Variants in UGT1A4 observed in about 807,000 individuals in gnomAD.
UGT1A4 encodes UDP-glucuronosyltransferase 1A4.
Under a neutral mutation model 41.1 loss-of-function variants are expected in UGT1A4, and 32 were observed. That is an observed-to-expected ratio of 0.78 (90% CI 0.59 to 1.05). The LOEUF (loss-of-function observed/expected upper bound fraction) is 1.05, where lower values mean the gene tolerates loss of function less well. Ranked by LOEUF, UGT1A4 falls within the 50% of genes least tolerant of loss-of-function variation. The pLI, the probability that UGT1A4 is intolerant of heterozygous loss-of-function variation, is 0.00. For synonymous variants in UGT1A4, 283 were observed against 265.1 expected (o/e 1.07, Z -0.66); for missense variants, 748 against 677.4 (o/e 1.10, Z -1.16).
At position 233,718,759 on chromosome 2, in the gene UGT1A4, G is replaced by A; in HGVS notation, c.-62G>A. 4 of 1,612,576 alleles carry A rather than the reference G, an allele frequency of 2.5e-6. 1 individual carries two copies. In the Admixed American group the frequency reaches 5.0e-5, roughly 20 times the overall value. On this transcript the variant is annotated 5_prime_UTR_variant, in exon 1 of 5. Transcript: ENST00000373409. ...TCAATGACAAGGTAATTAAGGCGAAGGAAACAAATGTAGCAGGCACAGCGT... is the reference window on the plus strand; with the variant it reads ...TCAATGACAAGGTAATTAAGGCGAAAGAAACAAATGTAGCAGGCACAGCGT...
intron 1 of UGT1A4, among the ~76,000 whole-genome samples, chr2:233,761,952 C>G (rs1458039003): frequency 6.6e-6 from 1 of 152,184 alleles, no homozygotes; most frequent in Non-Finnish European, 1.5e-5. Context: ...CGTCTGGCTC[C>G]CATTAAGGGG....
At chr2:233,742,045 T>C (rs1691854275) in intron 1 of UGT1A4, 1 of 151,932 alleles carries the variant, frequency 6.6e-6, no homozygotes, top group South Asian at 2.1e-4. Context: ...AGCATAGCAA[T>C]AGGATAGTTC....
chr2:233,771,328 C>G (rs11888492), intron 4 of UGT1A4: 27,690 of 151,958 alleles, frequency 0.18, 3,662 homozygotes, highest in African/African-American at 0.37. Flanking sequence ...CTTCAATCTC[C>G]TCTTCATTCC....
chr2:233,762,986 G>A (rs1271717565), intron 1 of UGT1A4, among the ~76,000 whole-genome samples: 1 of 152,018 alleles, frequency 6.6e-6, no homozygotes, highest in Non-Finnish European at 1.5e-5. Context: ...CTATTTTAGT[G>A]GAAATTGATT....
intron 1 of UGT1A4, chr2:233,742,040 A>G (rs1442889181): frequency 6.6e-6 from 1 of 151,948 alleles, no homozygotes; most frequent in Non-Finnish European, 1.5e-5. Context: ...TCCCAAGCAT[A>G]GCAATAGGAT....
chr2:233,731,991 A>G (rs989443870), intron 1 of UGT1A4, among the ~76,000 whole-genome samples: 3 of 152,160 alleles, frequency 2.0e-5, no homozygotes, highest in Non-Finnish European at 2.9e-5. Context: ...CTGGCGTGAG[A>G]TGGTATCTCA....
intron 1 of UGT1A4, chr2:233,761,049 G>A (rs1344319848): frequency 1.2e-6 from 2 of 1,614,174 alleles, no homozygotes; most frequent in Non-Finnish European, 1.7e-6. Flanking sequence ...CATCTGTCTG[G>A]CTGTTTAGAA....
chr2:233,766,272 G>C (rs1351320268), intron 1 of UGT1A4, among the ~76,000 whole-genome samples: 4 of 68,008 alleles, frequency 5.9e-5, no homozygotes, highest in Admixed American at 5.5e-4. Flanking sequence ...CCCGGGCTCG[G>C]TGGCCCGGGC....
chr2:233,758,819 C>G (rs577329711), intron 1 of UGT1A4, among the ~76,000 whole-genome samples: 1 of 152,190 alleles, frequency 6.6e-6, no homozygotes, highest in African/African-American at 2.4e-5. Flanking sequence ...AGCAGTATAT[C>G]CCCCCCAAAA....
intron 1 of UGT1A4, among the ~76,000 whole-genome samples, chr2:233,739,812 GT>G (rs957981819): frequency 5.3e-5 from 8 of 152,020 alleles, no homozygotes; most frequent in African/African-American, 1.9e-4. Context: ...GGCATGATTG[GT>G]TTTTAAATGT....
intron 1 of UGT1A4, among the ~76,000 whole-genome samples, chr2:233,756,740 T>G (rs1165580582): frequency 6.6e-6 from 1 of 152,136 alleles, no homozygotes; most frequent in Non-Finnish European, 1.5e-5. Flanking sequence ...CTTCACCTCC[T>G]CCTTATTCTC....
At chr2:233,733,152 T>G (rs1034530556) in intron 1 of UGT1A4, among the ~76,000 whole-genome samples, 15 of 152,252 alleles carry the variant, frequency 9.9e-5, no homozygotes, top group African/African-American at 3.4e-4. Context: ...TTTTGCACAT[T>G]GATTTTGTAT....
intron 2 of UGT1A4, 143 bp from the exon 3 acceptor site, chr2:233,767,706 A>C (rs1467899863): frequency 1.1e-5 from 16 of 1,521,756 alleles, no homozygotes; most frequent in Admixed American, 2.0e-5. Flanking sequence ...GCCAGTCCTC[A>C]GAAGCCTTCA....
chr2:233,730,202 A>G (rs1380136603), intron 1 of UGT1A4, among the ~76,000 whole-genome samples: 2 of 152,160 alleles, frequency 1.3e-5, no homozygotes, highest in African/African-American at 4.8e-5. Context: ...GAGGAAGAGG[A>G]AGTAGACACG....
intron 1 of UGT1A4, among the ~76,000 whole-genome samples, chr2:233,728,276 G>C (rs1254522252): frequency 6.6e-6 from 1 of 152,142 alleles, no homozygotes; most frequent in Non-Finnish European, 1.5e-5. Flanking sequence ...TGGAGCCTTC[G>C]GCATTCAGAA....
At chr2:233,733,344 T>A (rs1194194853) in intron 1 of UGT1A4, among the ~76,000 whole-genome samples, 4 of 152,230 alleles carry the variant, frequency 2.6e-5, no homozygotes, top group African/African-American at 9.6e-5. Flanking sequence ...TCCAACAGTA[T>A]GTTGAGTAGG....
chr2:233,728,923 A>G (rs3806597), intron 1 of UGT1A4, among the ~76,000 whole-genome samples: 83,819 of 152,074 alleles, frequency 0.55, 25,237 homozygotes, highest in African/African-American at 0.81. Flanking sequence ...CAAGATAGTC[A>G]TGATCGGTCT....
intron 1 of UGT1A4, among the ~76,000 whole-genome samples, chr2:233,738,627 G>A (rs1481617124): frequency 1.3e-5 from 2 of 152,172 alleles, no homozygotes; most frequent in Non-Finnish European, 2.9e-5. Flanking sequence ...TGGCATTTTT[G>A]CCCCTGCCCT....
intron 1 of UGT1A4, among the ~76,000 whole-genome samples, chr2:233,765,369 A>G (rs139848699): frequency 2.0e-4 from 30 of 152,382 alleles, no homozygotes; most frequent in African/African-American, 7.0e-4. Flanking sequence ...ATGCCCATCA[A>G]TGGTAGATTG....
Sources: allele counts gnomAD v4.1 joint callset (sites outside exome capture counted in the v4.1 genomes callset), GRCh38; gene constraint gnomAD v4.1.1; transcripts MANE v1.5; gene names NCBI Gene and HGNC (gene_info 2026-07-23, HGNC 2026-07-21).